TSPAN16: variants seen among roughly 807,000 people sequenced by gnomAD.
TSPAN16 encodes the protein tetraspanin 16.
TSPAN16 carries 23 observed loss-of-function variants against 25.2 expected under a neutral mutation model. The observed-to-expected ratio is 0.91, with a 90% CI of 0.66 to 1.29. TSPAN16 has a LOEUF of 1.29. TSPAN16 is among the 50% of genes most tolerant of loss of function. The probability of loss-of-function intolerance (pLI) is 0.00; values close to 1 mark genes in which losing one functional copy is unlikely to be tolerated. For missense variants in TSPAN16, 272 were observed against 299.9 expected, an observed-to-expected ratio of 0.91 and a Z score of 0.69; for synonymous variants, 123 against 124.4, an observed-to-expected ratio of 0.99 and a Z score of 0.08.
In TSPAN16 at chr19:11,314,739, AGGCTCTAGAAAG is replaced by A. The variant is rs1237169320; in HGVS notation, c.688-1048_688-1037del. ...GAACTTTTATTTCTCCTAGGCCTGA[AGGCTCTAGAAAG>A]GGCATGAAGAGGGTAGGAGCCCAGA... On this transcript the variant is annotated intron_variant, in intron 6 of 6. Transcript: ENST00000590327. Among the ~76,000 whole-genome samples the A allele has an allele frequency of 1.7e-4, 26 of 152,138 alleles. No individual in the cohort carries two copies. The East Asian group carries it at 5.0e-3, about 29-fold the overall frequency.
intron 6 of TSPAN16, chr19:11,325,687 A>C: frequency 1.8e-6 from 2 of 1,130,484 alleles, no homozygotes; most frequent in East Asian, 2.4e-5. Context: ...TCTGCTCTTT[A>C]TCCTGCTGTG....
chr19:11,319,317 A>G (rs918301958), downstream of TSPAN16, among the ~76,000 whole-genome samples: 4 of 152,184 alleles, frequency 2.6e-5, no homozygotes, highest in Admixed American at 1.3e-4. Context: ...GAGACAACTC[A>G]GGCCAGGCGC....
At chr19:11,322,908 C>T (rs1034696106) in intron 6 of TSPAN16, 2 of 152,056 alleles carry the variant, frequency 1.3e-5, no homozygotes, top group African/African-American at 4.8e-5. Flanking sequence ...GACAATTGGC[C>T]AACAAAACCA....
At chr19:11,298,029 G>C in intron 1 of TSPAN16, 113 bp from the exon 2 acceptor site, 3 of 1,105,964 alleles carry the variant, frequency 2.7e-6, no homozygotes, top group Non-Finnish European at 4.0e-6. Flanking sequence ...TCAAGTCTTG[G>C]CCTTGGCCTC....
intron 5 of TSPAN16, among the ~76,000 whole-genome samples, chr19:11,311,038 C>T (rs574958292): frequency 3.3e-5 from 5 of 152,098 alleles, no homozygotes; most frequent in South Asian, 2.1e-4. Context: ...GGTTTCGCTA[C>T]GTTGTCCAGG....
chr19:11,311,930 G>A (rs1207545532), intron 5 of TSPAN16, among the ~76,000 whole-genome samples: 4 of 152,118 alleles, frequency 2.6e-5, no homozygotes, highest in African/African-American at 9.7e-5. Context: ...ATTCTTTTGG[G>A]GGAATGAGGA....
chr19:11,321,954 C>G (rs1004763382), intron 6 of TSPAN16: 6 of 152,204 alleles, frequency 3.9e-5, no homozygotes, highest in African/African-American at 1.4e-4. Flanking sequence ...GCCCGAGGCC[C>G]GGTGAGGTTT....
At position 11,303,205 on chromosome 19, in the gene TSPAN16, T is replaced by A. The variant is rs796543014; in HGVS notation, c.450+1897T>A. 6.8e-5 allele frequency among the ~76,000 whole-genome samples: 10 copies of A among 146,048 alleles called. 1 individual carries two copies. The highest frequency in any genetic ancestry group is 1.4e-4 in the African/African-American group (5 of 36,566). ...ACATGGGAGACTTTTCATTTTGTTC[T>A]GTACTAAGAAAAATTCTTCTGCCTT... On this transcript the variant is annotated intron_variant, in intron 4 of 6. Transcript: ENST00000590327.
At chr19:11,298,426 G>A (rs2080504404) in intron 2 of TSPAN16, 87 bp downstream of exon 2, 2 of 1,337,830 alleles carry the variant, frequency 1.5e-6, no homozygotes, top group African/African-American at 1.7e-5. Flanking sequence ...ACTTTGCTTG[G>A]TGTCACCTAT....
chr19:11,312,048 T>G (rs2080697583), intron 5 of TSPAN16, 91 bp from the exon 6 acceptor site: 1 of 915,024 alleles, frequency 1.1e-6, no homozygotes, highest in Admixed American at 2.1e-5. Context: ...CTGAGAGTCG[T>G]CTGAGTGGCC....
intron 1 of TSPAN16, among the ~76,000 whole-genome samples, chr19:11,296,820 C>T (rs1194010668): frequency 2.6e-5 from 4 of 151,868 alleles, no homozygotes; most frequent in Non-Finnish European, 5.9e-5. Context: ...GGGTGGATCA[C>T]GAGGTCAGGA....
chr19:11,316,006 G>T, downstream of TSPAN16: 1 of 1,195,972 alleles, frequency 8.4e-7, no homozygotes, highest in Non-Finnish European at 1.0e-6. Flanking sequence ...TTCATTTTTG[G>T]CAATGATTTT....
In TSPAN16 at chr19:11,298,341, T is replaced by C; in HGVS notation, c.267+2T>C. 1 of 1,613,400 alleles carries C rather than the reference T, an allele frequency of 6.2e-7. No homozygotes were observed. The highest frequency in any genetic ancestry group is 8.5e-7 in the Non-Finnish European group (1 of 1,179,932). On this transcript the variant is annotated splice_donor_variant, in intron 2 of 6. Transcript: ENST00000590327. LOFTEE classifies it high-confidence loss of function. ...GAGAGCAGAGGCACGCTCTTGTTTG[T>C]AAGTTGGATCTGCACACAGACCCCA... is the stretch of plus-strand genomic sequence containing the variant.
chr19:11,303,017 G>A (rs1436947247), intron 4 of TSPAN16, among the ~76,000 whole-genome samples: 1 of 150,622 alleles, frequency 6.6e-6, no homozygotes, highest in East Asian at 1.9e-4. Context: ...TGGGAAGTGA[G>A]GAGCCCCTCT....
chr19:11,308,076 A>G (rs1374152049), intron 5 of TSPAN16: 3 of 152,348 alleles, frequency 2.0e-5, no homozygotes, highest in Admixed American at 1.3e-4. Context: ...GTTTTGTCCC[A>G]TCCTATCCCT....
intron 6 of TSPAN16, among the ~76,000 whole-genome samples, chr19:11,313,197 A>G (rs891816188): frequency 6.6e-6 from 1 of 152,140 alleles, no homozygotes; most frequent in African/African-American, 2.4e-5. Context: ...CACCAATACA[A>G]GATATTGCAA....
At chr19:11,319,390 G>C (rs1176359048), downstream of TSPAN16, among the ~76,000 whole-genome samples, 2 of 152,170 alleles carry the variant, frequency 1.3e-5, no homozygotes, top group African/African-American at 2.4e-5. Context: ...ACGAGGTAAG[G>C]AGTCTGAGAC....
chr19:11,297,605 T>C (rs1253124611), intron 1 of TSPAN16, among the ~76,000 whole-genome samples: 1 of 152,126 alleles, frequency 6.6e-6, no homozygotes, highest in Non-Finnish European at 1.5e-5. Flanking sequence ...TAAGCGATTC[T>C]TCTGCCTCAG....
chr19:11,297,607 C>T (rs1048674805), intron 1 of TSPAN16, among the ~76,000 whole-genome samples: 2 of 152,102 alleles, frequency 1.3e-5, no homozygotes, highest in African/African-American at 4.8e-5. Flanking sequence ...AGCGATTCTT[C>T]TGCCTCAGCC....
Sources: gnomAD v4.1 joint callset for allele counts (sites outside exome capture counted in the v4.1 genomes callset) on GRCh38, gnomAD v4.1.1 for gene constraint, MANE v1.5 for transcripts, NCBI Gene and HGNC (gene_info 2026-07-23, HGNC 2026-07-21) for gene names.